Variants in SLC37A3 observed in about 807,000 individuals in gnomAD.
The protein encoded by SLC37A3 is solute carrier family 37 member 3.
SLC37A3 carries 51 observed loss-of-function variants against 67.1 expected under a neutral mutation model. The observed-to-expected ratio is 0.76, with a 90% CI of 0.61 to 0.96. The LOEUF (loss-of-function observed/expected upper bound fraction) is 0.96, where lower values mean the gene tolerates loss of function less well. Among genes scored for constraint, SLC37A3 ranks in the 40% least tolerant of loss-of-function variants. The pLI is 0.00. For synonymous variants in SLC37A3, 214 were observed against 231.4 expected (o/e 0.92, Z 0.68); for missense variants, 508 against 603.0 (o/e 0.84, Z 1.65).
intron 7 of SLC37A3, among the ~76,000 whole-genome samples, chr7:140,353,670 T>C (rs1258353265): frequency 6.6e-6 from 1 of 152,078 alleles, no homozygotes; most frequent in African/African-American, 2.4e-5. Context: ...TGGCATTCAA[T>C]ACACAGTTTT....
rs976018245 is a variant in SLC37A3 at position 140,381,468 on chromosome 7, T to C, written c.89+970A>G. On this transcript the variant is annotated intron_variant, in intron 2 of 14. Coordinates refer to ENST00000326232, the MANE Select transcript of SLC37A3 (RefSeq NM_207113.3). ...TGATCCCGGGAGTTCGAGGCTGCAG[T>C]GAACCGTGATCACACCACTGCACTC... 3.3e-5 allele frequency among the ~76,000 whole-genome samples: 5 copies of C among 151,976 alleles called. No individual in the cohort carries two copies. In the East Asian group the frequency reaches 9.8e-4, roughly 30 times the overall value.
chr7:140,365,359 G>A (rs892757740), intron 4 of SLC37A3, among the ~76,000 whole-genome samples: 1 of 151,974 alleles, frequency 6.6e-6, no homozygotes, highest in Non-Finnish European at 1.5e-5. Flanking sequence ...CTTTGGGAGC[G>A]GGGAGAATTG....
At chr7:140,345,566 T>C (rs949987936) in intron 11 of SLC37A3, among the ~76,000 whole-genome samples, 1 of 152,198 alleles carries the variant, frequency 6.6e-6, no homozygotes, top group African/African-American at 2.4e-5. Flanking sequence ...TGTTCCCTTT[T>C]TATTGTTTTA....
At chr7:140,357,489 C>T (rs567456790) in intron 6 of SLC37A3, among the ~76,000 whole-genome samples, 5 of 148,982 alleles carry the variant, frequency 3.4e-5, no homozygotes, top group South Asian at 2.1e-4. Context: ...CCCAGCACTT[C>T]GGGAGGCCGA....
At chr7:140,369,550 AT>A in intron 4 of SLC37A3, 39 bp downstream of exon 4, 1 of 1,559,162 alleles carries the variant, frequency 6.4e-7, no homozygotes, top group Non-Finnish European at 8.8e-7. Flanking sequence ...TTATATTTAC[AT>A]TTTTCTTTAG....
intron 2 of SLC37A3, among the ~76,000 whole-genome samples, chr7:140,380,688 C>T (rs1297264082): frequency 6.6e-6 from 1 of 151,816 alleles, no homozygotes; most frequent in Non-Finnish European, 1.5e-5. Context: ...ATTACAGGGG[C>T]ACTCTACCAC....
rs1248225207 is a variant in SLC37A3 at position 140,398,487 on chromosome 7, C to T, written c.-142G>A. 6.6e-6 allele frequency: 1 copy of T among 152,326 alleles called. No individual in the cohort carries two copies. Among genetic ancestry groups the T allele is most frequent in the Non-Finnish European group, 1.5e-5 (1 of 68,150 alleles). The allele number at this position is 152,326 out of a possible 1,614,324, so 9.4% of individuals were successfully genotyped here. A position where few individuals can be genotyped will look rare whatever the true frequency, so the allele number is the denominator to read the frequency against. ...CGGGTCAGCTTGGCTCCGCTGCCCG[C>T]CTCCCCCGCCGCCAGCTCACCCCTG... is the stretch of plus-strand genomic sequence containing the variant. On this transcript the variant is annotated 5_prime_UTR_variant, in exon 1 of 15. Coordinates refer to ENST00000326232, the MANE Select transcript of SLC37A3 (RefSeq NM_207113.3).
chr7:140,367,372 G>T (rs921624367), intron 4 of SLC37A3, among the ~76,000 whole-genome samples: 1 of 151,956 alleles, frequency 6.6e-6, no homozygotes, highest in African/African-American at 2.4e-5. Flanking sequence ...GGAGGCGGAG[G>T]TTGCAGTGAG....
At chr7:140,343,085 C>G (rs768011343) in intron 13 of SLC37A3, among the ~76,000 whole-genome samples, 1 of 152,146 alleles carries the variant, frequency 6.6e-6, no homozygotes, top group African/African-American at 2.4e-5. Context: ...AAGCACCCCC[C>G]ACCACGGAAT....
At chr7:140,344,024 C>T (rs925314311) in intron 12 of SLC37A3, 16 of 196,324 alleles carry the variant, frequency 8.1e-5, no homozygotes, top group Non-Finnish European at 1.5e-4. Context: ...GCCCATGAAT[C>T]AGGCATGCGA....
At chr7:140,348,583 G>C in intron 10 of SLC37A3, 43 bp downstream of exon 10, 1 of 1,565,360 alleles carries the variant, frequency 6.4e-7, no homozygotes, top group South Asian at 1.2e-5. Context: ...AAGATCACTA[G>C]TGACTAACTC....
intron 12 of SLC37A3, chr7:140,343,918 C>G (rs768332096): frequency 2.2e-5 from 5 of 226,312 alleles, no homozygotes; most frequent in Middle Eastern, 3.6e-3. Context: ...TTCCACTACA[C>G]AAATTCAACC....
rs73737573 is a variant in SLC37A3, at chr7:140,335,986, T to C, written c.1393-482A>G. On this transcript the variant is annotated intron_variant, in intron 14 of 14. Transcript: ENST00000326232. ...TCCTGGAGCTGGACTATCCTGGGGCTCCTTGACCACAGCAAGAGGACAGCT... is the reference window on the plus strand; with the variant it reads ...TCCTGGAGCTGGACTATCCTGGGGCCCCTTGACCACAGCAAGAGGACAGCT... Among the ~76,000 whole-genome samples, 1,171 of 152,308 alleles carry C rather than the reference T, an allele frequency of 7.7e-3. 14 individuals carry two copies. The highest frequency in any genetic ancestry group is 0.027 in the African/African-American group (1,138 of 41,560).
chr7:140,365,919 C>CTTTTTTTTTTTTTT (rs71170981), intron 4 of SLC37A3, among the ~76,000 whole-genome samples: 1 of 43,876 alleles, frequency 2.3e-5, no homozygotes. Flanking sequence ...ACAATACATG[C>CTTTTTTTTTTTTTT]TTTTTTTTTT....
At chr7:140,337,426 C>T in intron 13 of SLC37A3, 77 bp from the exon 14 acceptor site, 2 of 1,184,650 alleles carry the variant, frequency 1.7e-6, no homozygotes, top group Non-Finnish European at 2.3e-6. Context: ...GTAGATTAAA[C>T]ATGGCTATTT....
chr7:140,351,361 G>C lies in SLC37A3; in HGVS notation c.794C>G (p.Pro265Arg), dbSNP rs200629249. The C allele has an allele frequency of 6.2e-7, 1 of 1,614,058 alleles. No individual in the cohort carries two copies. The highest frequency in any genetic ancestry group is 1.7e-5 in the Admixed American group (1 of 59,992). ...NGGENEDEYE[P>R]NYSIQDDSSV... ...ACTATCATCTTGGATTGAATAATTC[G>C]GCTCATATTCGTCTTCATTTTCACC... Residue 265 changes from proline to arginine, a missense_variant, in exon 9 of 15, where the codon CCG becomes CGG. Transcript: ENST00000326232.
intron 1 of SLC37A3, among the ~76,000 whole-genome samples, chr7:140,396,076 C>T (rs1052658365): frequency 4.0e-5 from 6 of 151,350 alleles, no homozygotes; most frequent in Non-Finnish European, 8.8e-5. Context: ...AGTGCAGTGG[C>T]GTGATCATAG....
At chr7:140,356,626 T>C (rs1797039813) in intron 6 of SLC37A3, among the ~76,000 whole-genome samples, 1 of 152,068 alleles carries the variant, frequency 6.6e-6, no homozygotes, top group African/African-American at 2.4e-5. Context: ...GAGGTTGCAG[T>C]GAGCCGAGAT....
Position 140,392,418 on chromosome 7 carries a change from C to T in SLC37A3, c.-71+5998G>A, listed in dbSNP as rs1798757385. ...TCCAAAATATATCCCAAATCCCAGC[C>T]TCCAGATGGATAAGCTCACTCCCCA... On this transcript the variant is annotated intron_variant, in intron 1 of 14. Transcript: ENST00000326232. Among the ~76,000 whole-genome samples the T allele has an allele frequency of 2.0e-5, 3 of 152,262 alleles. No homozygotes were observed. In the South Asian group the frequency reaches 6.2e-4, roughly 32 times the overall value.
Sources: allele counts gnomAD v4.1 joint callset (sites outside exome capture counted in the v4.1 genomes callset), GRCh38; gene constraint gnomAD v4.1.1; transcripts MANE v1.5; gene names NCBI Gene and HGNC (gene_info 2026-07-23, HGNC 2026-07-21).